ERG: variants seen among roughly 807,000 people sequenced by gnomAD.
The protein encoded by ERG is transcriptional regulator ERG.
Under a neutral mutation model 55.3 loss-of-function variants are expected in ERG, and 9 were observed. The ratio of observed to expected loss-of-function variants is 0.16; its 90% CI spans 0.10 to 0.28. The LOEUF (loss-of-function observed/expected upper bound fraction) is 0.28. Ranked by LOEUF, ERG falls within the 10% of genes least tolerant of loss-of-function variation. The pLI, the probability that ERG is intolerant of heterozygous loss-of-function variation, is 1.00. For synonymous variants in ERG, 223 were observed against 237.3 expected, an observed-to-expected ratio of 0.94 and a Z score of 0.55; for missense variants, 434 against 631.6, an observed-to-expected ratio of 0.69 and a Z score of 3.35.
At chr21:38,453,101 C>T (rs999750871) in intron 1 of ERG, among the ~76,000 whole-genome samples, 1 of 152,146 alleles carries the variant, frequency 6.6e-6, no homozygotes, top group Non-Finnish European at 1.5e-5. Flanking sequence ...CCCAGGAGTT[C>T]CAGGGAGTTT....
At chr21:38,493,014 T>C (rs2059349275) in intron 1 of ERG, among the ~76,000 whole-genome samples, 1 of 152,206 alleles carries the variant, frequency 6.6e-6, no homozygotes, top group African/African-American at 2.4e-5. Context: ...GGAACTGGTC[T>C]CATATGTGGC....
chr21:38,429,721 C>A (rs1569093251), intron 2 of ERG, among the ~76,000 whole-genome samples: 1 of 114,238 alleles, frequency 8.8e-6, no homozygotes, highest in Non-Finnish European at 1.7e-5. Flanking sequence ...GCATATATGT[C>A]TATATATATG....
intron 1 of ERG, among the ~76,000 whole-genome samples, chr21:38,580,298 C>T (rs2060021162): frequency 6.6e-6 from 1 of 152,124 alleles, no homozygotes; most frequent in South Asian, 2.1e-4. Flanking sequence ...TTCTTTTTTA[C>T]CATTTCAGAG....
intron 2 of ERG, among the ~76,000 whole-genome samples, chr21:38,551,477 C>T (rs8128002): frequency 0.51 from 76,766 of 151,970 alleles, 20,695 homozygotes; most frequent in Non-Finnish European, 0.62. Context: ...TTTTTGATAT[C>T]AGTGTTTAGT....
chr21:38,625,915 CTTTTTTTTTTTTT>C (rs397797559), intron 1 of ERG, among the ~76,000 whole-genome samples: 2 of 84,430 alleles, frequency 2.4e-5, no homozygotes, highest in South Asian at 4.6e-4. Context: ...ACTTGAAGCT[CTTTTTTTTTTTTT>C]TTTTTTTTTT....
intron 3 of ERG, among the ~76,000 whole-genome samples, chr21:38,417,029 G>A (rs1447670772): frequency 6.6e-6 from 1 of 152,236 alleles, no homozygotes; most frequent in African/African-American, 2.4e-5. Flanking sequence ...ACTGGTCTGA[G>A]TCATTCATTT....
chr21:38,651,120 T>G (rs1000304357), intron 1 of ERG, among the ~76,000 whole-genome samples: 1 of 152,244 alleles, frequency 6.6e-6, no homozygotes, highest in African/African-American at 2.4e-5. Flanking sequence ...AGTTTTGGCC[T>G]GAAATTCAGT....
chr21:38,609,351 T>C (rs2146925599), intron 1 of ERG, among the ~76,000 whole-genome samples: 1 of 151,926 alleles, frequency 6.6e-6, no homozygotes, highest in East Asian at 1.9e-4. Flanking sequence ...AAAAACGACA[T>C]AGTAAATCCC....
chr21:38,558,308 T>C lies in ERG; in HGVS notation c.-41+17354A>G, dbSNP rs201773396. Among the ~76,000 whole-genome samples the C allele has an allele frequency of 4.6e-5, 7 of 152,152 alleles. No individual in the cohort carries two copies. In the East Asian group the frequency reaches 1.3e-3, roughly 29 times the overall value. Reference sequence around the variant, plus strand: ...TTCCCAGCCTGAAACAGGTCAACACTGGGGTTAGCAAGAAACTTTAAACTG... The same window carrying C: ...TTCCCAGCCTGAAACAGGTCAACACCGGGGTTAGCAAGAAACTTTAAACTG... On this transcript the variant is annotated intron_variant, in intron 2 of 8. Transcript: ENST00000398897.
intron 1 of ERG, among the ~76,000 whole-genome samples, chr21:38,624,434 C>A (rs1232817822): frequency 6.6e-6 from 1 of 152,184 alleles, no homozygotes; most frequent in Non-Finnish European, 1.5e-5. Context: ...ACATTCTGCA[C>A]ATGCATCCCA....
chr21:38,507,025 G>A (rs1448125970), intron 2 of ERG, among the ~76,000 whole-genome samples: 1 of 151,982 alleles, frequency 6.6e-6, no homozygotes, highest in Non-Finnish European at 1.5e-5. Flanking sequence ...CCCGGACCCT[G>A]TAACAGTCGT....
intron 1 of ERG, among the ~76,000 whole-genome samples, chr21:38,657,256 C>T (rs542555603): frequency 7.9e-5 from 12 of 152,292 alleles, no homozygotes; most frequent in South Asian, 2.1e-4. Flanking sequence ...CTCCTGAACA[C>T]GCACTGAGTC....
chr21:38,592,571 C>CTGTGTGTGTGTGTGTGTG lies in ERG; in HGVS notation c.-149-7644_-149-7627dup, dbSNP rs56195027. On this transcript the variant is annotated intron_variant, in intron 1 of 10. Transcript: ENST00000398910. ...GGCTGCTTATTGTCATCTCCCTTCACTGTGTGTGTGTGTGTGTGTGTGTGT... is the reference window on the plus strand; with the variant it reads ...GGCTGCTTATTGTCATCTCCCTTCACTGTGTGTGTGTGTGTGTGTGTGTGTGTGTGTGTGTGTGTGTGT... Among the ~76,000 whole-genome samples, 58 of 148,098 alleles carry CTGTGTGTGTGTGTGTGTG rather than the reference C, an allele frequency of 3.9e-4. 2 individuals are homozygous for CTGTGTGTGTGTGTGTGTG. Among genetic ancestry groups the CTGTGTGTGTGTGTGTGTG allele is most frequent in the African/African-American group, 1.3e-3 (53 of 40,160 alleles).
chr21:38,444,158 T>C (rs1479389846), intron 2 of ERG, among the ~76,000 whole-genome samples: 1 of 152,200 alleles, frequency 6.6e-6, no homozygotes, highest in East Asian at 1.9e-4. Context: ...ACACTTATAA[T>C]AAACCTTTTT....
intron 2 of ERG, among the ~76,000 whole-genome samples, chr21:38,433,246 C>T (rs546965374): frequency 5.8e-4 from 89 of 152,282 alleles, no homozygotes; most frequent in African/African-American, 1.9e-3. Flanking sequence ...GTCCCCATGA[C>T]GAGACAGCCG....
chr21:38,541,511 T>C (rs1568897055), intron 2 of ERG, among the ~76,000 whole-genome samples: 1 of 152,228 alleles, frequency 6.6e-6, no homozygotes, highest in Non-Finnish European at 1.5e-5. Context: ...AAACCTTAAA[T>C]GACTGATGTA....
At chr21:38,463,714 C>G (rs1423431845) in intron 1 of ERG, among the ~76,000 whole-genome samples, 2 of 152,172 alleles carry the variant, frequency 1.3e-5, no homozygotes, top group Admixed American at 6.5e-5. Context: ...AGAAGTGGGG[C>G]CACCCCTCGT....
chr21:38,551,342 T>C (rs573114157), intron 2 of ERG, among the ~76,000 whole-genome samples: 51 of 152,278 alleles, frequency 3.3e-4, no homozygotes, highest in African/African-American at 1.2e-3. Context: ...GTATCTCAAT[T>C]TCATTCAGTT....
chr21:38,393,894 C>T (rs1006499578), intron 6 of ERG, among the ~76,000 whole-genome samples: 5 of 152,120 alleles, frequency 3.3e-5, no homozygotes, highest in Non-Finnish European at 7.3e-5. Context: ...CATTTTTGGA[C>T]GTAAATCTTT....
Sources: gnomAD v4.1 joint callset for allele counts (sites outside exome capture counted in the v4.1 genomes callset) on GRCh38, gnomAD v4.1.1 for gene constraint, MANE v1.5 for transcripts, NCBI Gene and HGNC (gene_info 2026-07-23, HGNC 2026-07-21) for gene names.